The following MAS1 variants were observed in gnomAD, a reference collection of about 807,000 sequenced individuals.
The protein encoded by MAS1 is MAS1 proto-oncogene, G protein-coupled receptor.
For missense variants in MAS1, 387 were observed against 409.7 expected (o/e 0.94, Z 0.48); for synonymous variants, 163 against 164.2 (o/e 0.99, Z 0.05).
At chr6:159,892,493 G>A (rs1782710569) in intron 1 of MAS1, among the ~76,000 whole-genome samples, 1 of 152,064 alleles carries the variant, frequency 6.6e-6, no homozygotes, top group Non-Finnish European at 1.5e-5. Context: ...TTCTAAGAGT[G>A]ATGTCCTAGG....
At position 159,907,142 on chromosome 6, in the gene MAS1, A is replaced by G. The variant is rs776343365; in HGVS notation, c.187A>G (p.Arg63Gly). ...CTGGTTCCTGTGCTTCCGGATGAGA[A>G]GAAATCCCTTCACTGTCTACATCAC... The part of the protein sequence containing the change: ...LLWFLCFRMR[R>G]NPFTVYITHL... Residue 63 changes from arginine (R) to glycine (G), a missense_variant, in exon 3 of 3, where the codon AGA (arginine) becomes GGA (glycine). Coordinates refer to ENST00000674077, the MANE Select transcript of MAS1 (RefSeq NM_002377.4). 3 of 1,614,238 alleles carry G rather than the reference A, an allele frequency of 1.9e-6. No individual in the cohort carries two copies. Among genetic ancestry groups the G allele is most frequent in the East Asian group, 4.5e-5 (2 of 44,886 alleles).
chr6:159,900,431 C>A (rs1782809052), intron 2 of MAS1, among the ~76,000 whole-genome samples: 1 of 152,180 alleles, frequency 6.6e-6, no homozygotes. Context: ...CGGCTGTTGT[C>A]AAGGCATTTC....
intron 2 of MAS1, among the ~76,000 whole-genome samples, chr6:159,900,565 G>C (rs1189254299): frequency 6.6e-6 from 1 of 152,192 alleles, no homozygotes; most frequent in African/African-American, 2.4e-5. Context: ...GGAGGATTAT[G>C]ATTCGTTTTT....
chr6:159,904,694 C>G (rs1180072242), intron 2 of MAS1, among the ~76,000 whole-genome samples: 1 of 152,186 alleles, frequency 6.6e-6, no homozygotes, highest in Non-Finnish European at 1.5e-5. Flanking sequence ...TAACCACATT[C>G]CTCCTCTCAG....
At position 159,907,169 on chromosome 6, in the gene MAS1, C is replaced by T. The variant is rs1446149566; in HGVS notation, c.214C>T (p.His72Tyr). Reference sequence around the variant, plus strand: ...AAATCCCTTCACTGTCTACATCACCCACCTGTCTATCGCAGACATCTCACT... The same window carrying T: ...AAATCCCTTCACTGTCTACATCACCTACCTGTCTATCGCAGACATCTCACT... Reference protein sequence around the residue: ...RRNPFTVYITHLSIADISLLF... With the variant: ...RRNPFTVYITYLSIADISLLF... Residue 72 changes from histidine to tyrosine, a missense_variant, in exon 3 of 3, where the codon CAC becomes TAC. Physicochemically the swap from His to Tyr is moderately conservative, Grantham distance 83. Coordinates refer to ENST00000674077, the MANE Select transcript of MAS1 (RefSeq NM_002377.4). The T allele has an allele frequency of 1.2e-6, 2 of 1,614,198 alleles. No individual in the cohort carries two copies. Among genetic ancestry groups the T allele is most frequent in the Non-Finnish European group, 1.7e-6 (2 of 1,180,026 alleles).
chr6:159,900,638 C>T lies in MAS1; in HGVS notation c.-37+1246C>T, dbSNP rs1397565140. Among the ~76,000 whole-genome samples, 4 of 152,180 alleles carry T rather than the reference C, an allele frequency of 2.6e-5. No homozygotes were observed. The East Asian group carries it at 7.7e-4, about 29-fold the overall frequency. On this transcript the variant is annotated intron_variant, in intron 2 of 2. Coordinates refer to ENST00000674077, the MANE Select transcript of MAS1 (RefSeq NM_002377.4). ...TTCCAATCATGACTAAAATCCGCAT[C>T]ATGATCAAAGTCTGCCTGAGTACTG...
chr6:159,890,457 C>A (rs532505829), upstream of MAS1, among the ~76,000 whole-genome samples: 1 of 152,152 alleles, frequency 6.6e-6, no homozygotes, highest in Non-Finnish European at 1.5e-5. Flanking sequence ...CCTTGGCTTG[C>A]TTGCTTTTCA....
intron 2 of MAS1, among the ~76,000 whole-genome samples, 158 bp downstream of exon 2, chr6:159,899,550 A>T (rs913597289): frequency 6.6e-6 from 1 of 151,460 alleles, no homozygotes. Context: ...ACATGGTGAG[A>T]CCCCATCTCT....
intron 1 of MAS1, among the ~76,000 whole-genome samples, chr6:159,898,564 T>A (rs1782782406): frequency 7.2e-6 from 1 of 139,280 alleles, no homozygotes; most frequent in Non-Finnish European, 1.5e-5. Context: ...TGCCTCTTCC[T>A]CCTCCTACCT....
intron 1 of MAS1, among the ~76,000 whole-genome samples, chr6:159,892,772 T>C (rs1782713496): frequency 6.6e-6 from 1 of 152,188 alleles, no homozygotes; most frequent in African/African-American, 2.4e-5. Context: ...TACACATCAA[T>C]GGAAACCACC....
At position 159,911,414 on chromosome 6, in the gene MAS1, A is replaced by C. The variant is rs1782963590; in HGVS notation, c.*3481A>C. 7.3e-6 allele frequency: 1 copy of C among 136,462 alleles called. No homozygotes were observed. Among genetic ancestry groups the C allele is most frequent in the Non-Finnish European group, 1.5e-5 (1 of 66,584 alleles). The allele number at this position is 136,462 out of a possible 1,614,324, so 8.5% of individuals were successfully genotyped here. On this transcript the variant is annotated 3_prime_UTR_variant, in exon 3 of 3. Transcript: ENST00000674077. ...CGGTGGCGTGATTTCGGCTCACTGC[A>C]ACCTCCACCTCCCAGGTTCAAGCAA...
At chr6:159,900,166 C>A (rs1300976940) in intron 2 of MAS1, among the ~76,000 whole-genome samples, 1 of 152,212 alleles carries the variant, frequency 6.6e-6, no homozygotes, top group Non-Finnish European at 1.5e-5. Context: ...AGTGCAAGTG[C>A]CTACCTCGTC....
chr6:159,908,902 G>C lies in MAS1; in HGVS notation c.*969G>C, dbSNP rs185197495. The C allele has an allele frequency of 2.0e-5, 3 of 151,820 alleles. No individual in the cohort carries two copies. In the East Asian group the frequency reaches 5.8e-4, roughly 29 times the overall value. The allele number at this position is 151,820 out of a possible 1,614,324, so 9.4% of individuals were successfully genotyped here. A position where few individuals can be genotyped will look rare whatever the true frequency, so the allele number is the denominator to read the frequency against. The stretch of plus-strand genomic sequence containing the variant: ...ACCTTCCTCCCCCATGAAGAGGTGG[G>C]TTATTTGTAGCCAGAGTTCTCACCT... On this transcript the variant is annotated 3_prime_UTR_variant, in exon 3 of 3. Transcript: ENST00000674077.
At position 159,907,666 on chromosome 6, in the gene MAS1, C is replaced by T. The variant is rs1288554444; in HGVS notation, c.711C>T (p.Phe237=). Residue 237 remains phenylalanine (F), a synonymous_variant, in exon 3 of 3, where the codon TTC becomes TTT. Coordinates refer to ENST00000674077, the MANE Select transcript of MAS1 (RefSeq NM_002377.4). ...TCATCATGGTCACCATCATTATATT[C>T]CTCATCTTCGCTATGCCCATGAGAC... The part of the protein sequence containing the change: ...YIVIMVTIII[F]LIFAMPMRLL... The T allele has an allele frequency of 3.7e-6, 6 of 1,613,820 alleles. No individual in the cohort carries two copies. The highest frequency in any genetic ancestry group is 2.2e-5 in the East Asian group (1 of 44,832).
In MAS1 at chr6:159,907,535, C is replaced by T; in HGVS notation, c.580C>T (p.Leu194=). Residue 194 remains leucine (L), a synonymous_variant, in exon 3 of 3, where the codon CTG becomes TTG. Transcript: ENST00000674077. The part of the protein sequence containing the change: ...CRAVIIFIAI[L]SFLVFTPLML... Reference sequence around the variant, plus strand: ...AGCAGTCATCATCTTTATAGCCATCCTGAGCTTCCTGGTCTTCACGCCCCT... The same window carrying T: ...AGCAGTCATCATCTTTATAGCCATCTTGAGCTTCCTGGTCTTCACGCCCCT... 4 of 1,614,078 alleles carry T rather than the reference C, an allele frequency of 2.5e-6. No individual in the cohort carries two copies. Among genetic ancestry groups the T allele is most frequent in the Non-Finnish European group, 3.4e-6 (4 of 1,180,012 alleles).
chr6:159,917,140 GACC>G lies in MAS1; in HGVS notation c.*9208_*9210del. On this transcript the variant is annotated 3_prime_UTR_variant, in exon 3 of 3. Transcript: ENST00000674077. ...TGCAGCACGTCCATTTGACAATCCT[GACC>G]TCGGTGGTGGCAAATCTTCCTTGTT... Among the ~76,000 whole-genome samples, 2 of 152,170 alleles carry G rather than the reference GACC, an allele frequency of 1.3e-5. No individual in the cohort carries two copies. The highest frequency in any genetic ancestry group is 2.4e-5 in the African/African-American group (1 of 41,440).
rs1783017300 is a variant in MAS1, at chr6:159,915,907, C to T, written c.*7974C>T. The stretch of plus-strand genomic sequence containing the variant: ...TGGCGCCGACCCCCACCTCCTGCCC[C>T]TCAATAGGGAGCATCACTCCCCGAC... On this transcript the variant is annotated 3_prime_UTR_variant, in exon 3 of 3. Transcript: ENST00000674077. 6.6e-6 allele frequency: 1 copy of T among 152,600 alleles called. No individual in the cohort carries two copies. Among genetic ancestry groups the T allele is most frequent in the African/African-American group, 2.4e-5 (1 of 41,462 alleles). The allele number at this position is 152,600 out of a possible 1,614,324, so 9.5% of individuals were successfully genotyped here. A position where few individuals can be genotyped will look rare whatever the true frequency, so the allele number is the denominator to read the frequency against.
At chr6:159,891,218 G>T (rs539995698) in intron 1 of MAS1, among the ~76,000 whole-genome samples, 85 bp downstream of exon 1, 4 of 152,256 alleles carry the variant, frequency 2.6e-5, no homozygotes, top group African/African-American at 9.6e-5. Flanking sequence ...CTATTTCTTG[G>T]ATAACTCTTT....
chr6:159,913,841 T>G lies in MAS1; in HGVS notation c.*5908T>G, dbSNP rs1782991745. On this transcript the variant is annotated 3_prime_UTR_variant, in exon 3 of 3. Coordinates refer to ENST00000674077, the MANE Select transcript of MAS1 (RefSeq NM_002377.4). ...TTTTTCATGATTTTCTATGAAATTT[T>G]GGTCCTCATTTTAACAAGATTCCTT... 1 of 152,280 alleles carries G rather than the reference T, an allele frequency of 6.6e-6. No individual in the cohort carries two copies. Among genetic ancestry groups the G allele is most frequent in the Non-Finnish European group, 1.5e-5 (1 of 68,056 alleles). The allele number at this position is 152,280 out of a possible 1,614,324, so 9.4% of individuals were successfully genotyped here. A position where few individuals can be genotyped will look rare whatever the true frequency, so the allele number is the denominator to read the frequency against.
Sources: gnomAD v4.1 joint callset for allele counts (sites outside exome capture counted in the v4.1 genomes callset) on GRCh38, gnomAD v4.1.1 for gene constraint, MANE v1.5 for transcripts, NCBI Gene and HGNC (gene_info 2026-07-23, HGNC 2026-07-21) for gene names.